The following CSMD1 variants were observed in gnomAD, a reference collection of about 807,000 sequenced individuals.
The protein encoded by CSMD1 is CUB and sushi domain-containing protein 1.
Under a neutral mutation model 417.5 loss-of-function variants are expected in CSMD1, and 213 were observed. The observed-to-expected ratio is 0.51, with a 90% CI of 0.46 to 0.57. CSMD1 has a LOEUF of 0.57. Among genes scored for constraint, CSMD1 ranks in the 20% least tolerant of loss-of-function variants. The pLI is 0.00. For synonymous variants in CSMD1, 2,862 were observed against 1,736.8 expected (o/e 1.65, Z -16.11); for missense variants, 6,923 against 4,529.7 (o/e 1.53, Z -15.17).
At chr8:4,420,939 TC>T (rs1402343511) in intron 2 of CSMD1, among the ~76,000 whole-genome samples, 1 of 152,216 alleles carries the variant, frequency 6.6e-6, no homozygotes, top group African/African-American at 2.4e-5. Flanking sequence ...TTATCACCTT[TC>T]TTATCTGGTA....
At chr8:4,046,033 G>A (rs576001789) in intron 3 of CSMD1, among the ~76,000 whole-genome samples, 2 of 151,894 alleles carry the variant, frequency 1.3e-5, no homozygotes, top group East Asian at 1.9e-4. Flanking sequence ...TAAAATTTAG[G>A]ACTCATGCAG....
intron 12 of CSMD1, among the ~76,000 whole-genome samples, chr8:3,429,717 T>C (rs968803677): frequency 3.3e-5 from 5 of 152,220 alleles, no homozygotes; most frequent in African/African-American, 4.8e-5. Context: ...AATGGTTAAA[T>C]TGTTAGGTTT....
intron 5 of CSMD1, among the ~76,000 whole-genome samples, chr8:3,793,958 A>G (rs1028810733): frequency 2.6e-5 from 4 of 152,138 alleles, no homozygotes; most frequent in African/African-American, 7.2e-5. Flanking sequence ...AAATGCTGCT[A>G]TGTGTAATAA....
intron 2 of CSMD1, among the ~76,000 whole-genome samples, chr8:4,437,956 A>T (rs1237448038): frequency 6.6e-6 from 1 of 152,118 alleles, no homozygotes; most frequent in Non-Finnish European, 1.5e-5. Context: ...AGTGTTTTCC[A>T]TGTATTTTCT....
intron 5 of CSMD1, among the ~76,000 whole-genome samples, chr8:3,986,337 G>C (rs1445416110): frequency 6.6e-6 from 1 of 152,110 alleles, no homozygotes; most frequent in East Asian, 1.9e-4. Flanking sequence ...GGTGTTCATT[G>C]AAATGTAGAT....
chr8:4,794,775 C>T (rs1322509792), intron 1 of CSMD1, among the ~76,000 whole-genome samples: 2 of 152,124 alleles, frequency 1.3e-5, no homozygotes. Context: ...TGCCCAAATT[C>T]GGGGACTCTG....
intron 5 of CSMD1, among the ~76,000 whole-genome samples, chr8:3,824,756 C>G (rs7812827): frequency 0.64 from 97,372 of 151,982 alleles, 31,331 homozygotes; most frequent in East Asian, 0.79. Context: ...ATGTGGCTCA[C>G]ATTGGTGGCT....
chr8:3,235,847 T>A (rs1331870735), intron 26 of CSMD1, among the ~76,000 whole-genome samples: 2 of 151,958 alleles, frequency 1.3e-5, no homozygotes, highest in African/African-American at 2.4e-5. Flanking sequence ...AAGTTCATGT[T>A]GTCTAATAAA....
At chr8:4,605,828 C>T (rs1424958304) in intron 2 of CSMD1, among the ~76,000 whole-genome samples, 1 of 152,082 alleles carries the variant, frequency 6.6e-6, no homozygotes. Context: ...TGATGGTGGA[C>T]AAGGGTTCGT....
intron 6 of CSMD1, among the ~76,000 whole-genome samples, chr8:3,729,962 CA>C (rs1212260502): frequency 2.1e-4 from 2 of 9,456 alleles, no homozygotes; most frequent in African/African-American, 3.8e-4. Context: ...AAAAAAAAAA[CA>C]AAAACAGAAG....
At chr8:4,472,851 C>T (rs1245301368) in intron 2 of CSMD1, among the ~76,000 whole-genome samples, 2 of 151,844 alleles carry the variant, frequency 1.3e-5, no homozygotes, top group South Asian at 2.1e-4. Flanking sequence ...AGTGTGATGA[C>T]ATATGATTAA....
At chr8:3,820,929 T>A (rs1290517353) in intron 5 of CSMD1, among the ~76,000 whole-genome samples, 4 of 151,984 alleles carry the variant, frequency 2.6e-5, no homozygotes, top group African/African-American at 7.3e-5. Flanking sequence ...TTTTTTTAAT[T>A]TTTTGAGCCG....
At chr8:3,701,340 A>G (rs556178217) in intron 7 of CSMD1, among the ~76,000 whole-genome samples, 34 of 152,212 alleles carry the variant, frequency 2.2e-4, no homozygotes, top group African/African-American at 7.7e-4. Flanking sequence ...CCTATTCATG[A>G]TAATTCATGA....
intron 1 of CSMD1, among the ~76,000 whole-genome samples, chr8:4,656,515 A>G (rs1804242353): frequency 6.6e-6 from 1 of 151,780 alleles, no homozygotes; most frequent in Admixed American, 6.5e-5. Context: ...TCTTGCAGGG[A>G]TTCTGACAAC....
intron 10 of CSMD1, among the ~76,000 whole-genome samples, chr8:3,522,544 G>A (rs764952098): frequency 6.6e-6 from 1 of 152,092 alleles, no homozygotes; most frequent in African/African-American, 2.4e-5. Flanking sequence ...TGAGTTATAA[G>A]TACTTTATGA....
chr8:4,554,784 GC>G (rs1331311709), intron 2 of CSMD1, among the ~76,000 whole-genome samples: 4 of 152,066 alleles, frequency 2.6e-5, no homozygotes, highest in Non-Finnish European at 5.9e-5. Flanking sequence ...AAACCCATGA[GC>G]CAGCAGCGTC....
At chr8:3,019,423 AT>A (rs1432144993) in intron 51 of CSMD1, among the ~76,000 whole-genome samples, 3 of 152,162 alleles carry the variant, frequency 2.0e-5, no homozygotes, top group African/African-American at 7.2e-5. Context: ...AGGAATACCA[AT>A]TTTCTTCACC....
At chr8:3,733,904 T>G (rs779352024) in intron 6 of CSMD1, among the ~76,000 whole-genome samples, 5 of 152,042 alleles carry the variant, frequency 3.3e-5, no homozygotes, top group Non-Finnish European at 5.9e-5. Flanking sequence ...AAAAGCATAG[T>G]TTATGTAGGG....
At chr8:4,531,610 C>G (rs187598118) in intron 2 of CSMD1, among the ~76,000 whole-genome samples, 1 of 152,068 alleles carries the variant, frequency 6.6e-6, no homozygotes, top group Admixed American at 6.6e-5. Context: ...GAGCTTTCTG[C>G]GCTCGTCAGG....
Sources: allele counts gnomAD v4.1 joint callset (sites outside exome capture counted in the v4.1 genomes callset), GRCh38; gene constraint gnomAD v4.1.1; transcripts MANE v1.5; gene names NCBI Gene and HGNC (gene_info 2026-07-23, HGNC 2026-07-21).